Variants in CTNNA3 observed in about 807,000 individuals in gnomAD.
CTNNA3 encodes catenin alpha-3.
A neutral mutation model predicts 95.7 loss-of-function variants in CTNNA3; 76 were observed. The ratio of observed to expected loss-of-function variants is 0.79; its 90% CI spans 0.66 to 0.96. CTNNA3 has a LOEUF of 0.96. CTNNA3 is among the 40% of genes least tolerant of loss of function. The pLI is 0.00. For missense variants in CTNNA3, 1,191 were observed against 1,089.8 expected, an observed-to-expected ratio of 1.09 and a Z score of -1.31; for synonymous variants, 431 against 374.4, an observed-to-expected ratio of 1.15 and a Z score of -1.74.
intron 11 of CTNNA3, among the ~76,000 whole-genome samples, chr10:66,399,894 A>G (rs2456741): frequency 0.65 from 98,172 of 151,726 alleles, 33,379 homozygotes; most frequent in East Asian, 0.88. Context: ...ACAAACCTAA[A>G]TTTATGCCAC....
intron 13 of CTNNA3, among the ~76,000 whole-genome samples, chr10:66,271,342 A>T (rs1290314798): frequency 9.2e-5 from 14 of 152,168 alleles, no homozygotes; most frequent in Non-Finnish European, 1.5e-5. Context: ...ACTCTCCAAA[A>T]GTTGTTTTTG....
At position 67,052,313 on chromosome 10, in the gene CTNNA3, A is replaced by ACTCTCTCTCTCTCTCT. The variant is rs3841706; in HGVS notation, c.1047+127988_1047+128003dup. Among the ~76,000 whole-genome samples, 77 of 121,106 alleles carry ACTCTCTCTCTCTCTCT rather than the reference A, an allele frequency of 6.4e-4. 2 individuals are homozygous for ACTCTCTCTCTCTCTCT. The East Asian group carries it at 8.0e-3, about 13-fold the overall frequency. The allele number at this position is 121,106 out of a possible 152,430, so 79.5% of individuals were successfully genotyped here. A position where few individuals can be genotyped will look rare whatever the true frequency, so the allele number is the denominator to read the frequency against. On this transcript the variant is annotated intron_variant, in intron 7 of 17. Coordinates refer to ENST00000433211, the MANE Select transcript of CTNNA3 (RefSeq NM_013266.4). ...AGAAGAATCTTCACACCCACTCATCACTCTCTCTCTCTCTCTCTCTCTCTC... is the reference window on the plus strand; with the variant it reads ...AGAAGAATCTTCACACCCACTCATCACTCTCTCTCTCTCTCTCTCTCTCTCTCTCTCTCTCTCTCTC...
At chr10:66,903,397 T>C (rs1845840886) in intron 7 of CTNNA3, among the ~76,000 whole-genome samples, 1 of 152,210 alleles carries the variant, frequency 6.6e-6, no homozygotes, top group Non-Finnish European at 1.5e-5. Flanking sequence ...AGGAGCTATT[T>C]ATGACAAACC....
At chr10:66,110,278 T>C (rs556036782) in intron 13 of CTNNA3, among the ~76,000 whole-genome samples, 4 of 151,334 alleles carry the variant, frequency 2.6e-5, no homozygotes, top group South Asian at 2.1e-4. Flanking sequence ...AAGGGAATCA[T>C]TTGAACCTGG....
chr10:67,539,203 GTTAT>G (rs762527247), intron 4 of CTNNA3, among the ~76,000 whole-genome samples: 39 of 152,054 alleles, frequency 2.6e-4, no homozygotes, highest in African/African-American at 8.4e-4. Context: ...ATATAATTAT[GTTAT>G]TTATTTATTT....
chr10:67,500,284 A>C (rs1839187299), intron 5 of CTNNA3, among the ~76,000 whole-genome samples: 1 of 152,198 alleles, frequency 6.6e-6, no homozygotes, highest in South Asian at 2.1e-4. Context: ...ATTGCACTAT[A>C]GTCTGAGAGA....
At chr10:66,649,237 A>G (rs551662969) in intron 9 of CTNNA3, among the ~76,000 whole-genome samples, 1 of 152,278 alleles carries the variant, frequency 6.6e-6, no homozygotes, top group South Asian at 2.1e-4. Flanking sequence ...AAAAAGTAGA[A>G]ATAAGAATTA....
At chr10:65,928,123 A>G (rs924537662) in intron 17 of CTNNA3, among the ~76,000 whole-genome samples, 1 of 152,190 alleles carries the variant, frequency 6.6e-6, no homozygotes, top group Non-Finnish European at 1.5e-5. Context: ...TCTTCCAGAT[A>G]TTTGAAGTTA....
At chr10:66,038,554 G>C (rs1013730900) in intron 15 of CTNNA3, among the ~76,000 whole-genome samples, 4 of 152,182 alleles carry the variant, frequency 2.6e-5, no homozygotes, top group Admixed American at 6.5e-5. Context: ...TTTCAGTACT[G>C]TTACTTGAAA....
chr10:67,730,117 T>A (rs1841266260), intron 1 of CTNNA3, among the ~76,000 whole-genome samples: 1 of 152,136 alleles, frequency 6.6e-6, no homozygotes. Flanking sequence ...CCTTCTCTTG[T>A]GGAGGGACAA....
chr10:67,346,509 A>G (rs1285136753), intron 5 of CTNNA3, among the ~76,000 whole-genome samples: 1 of 152,138 alleles, frequency 6.6e-6, no homozygotes, highest in Non-Finnish European at 1.5e-5. Flanking sequence ...ATACTATTCT[A>G]GAGTAAAAGT....
At chr10:67,202,231 C>T (rs898846755) in intron 6 of CTNNA3, among the ~76,000 whole-genome samples, 10 of 151,010 alleles carry the variant, frequency 6.6e-5, no homozygotes, top group Admixed American at 6.6e-4. Context: ...ACTGTAAATA[C>T]AAAAGTATGA....
rs574992525 is a variant in CTNNA3, at chr10:66,054,615, C to T, written c.2159+14693G>A. ...TGTTCAAGCTGCTTATAAATTCTGGCTATTAATCTCTTGTCAGATGGGTCA... is the reference window on the plus strand; with the variant it reads ...TGTTCAAGCTGCTTATAAATTCTGGTTATTAATCTCTTGTCAGATGGGTCA... On this transcript the variant is annotated intron_variant, in intron 15 of 17. Coordinates refer to ENST00000433211, the MANE Select transcript of CTNNA3 (RefSeq NM_013266.4). Among the ~76,000 whole-genome samples the T allele has an allele frequency of 2.0e-4, 31 of 152,176 alleles. No individual in the cohort carries two copies. The South Asian group carries it at 4.2e-3, about 20-fold the overall frequency.
In CTNNA3 at chr10:67,340,094, G is replaced by A. The variant is rs185797052; in HGVS notation, c.580-120224C>T. On this transcript the variant is annotated intron_variant, in intron 5 of 17. Coordinates refer to ENST00000433211, the MANE Select transcript of CTNNA3 (RefSeq NM_013266.4). Reference sequence around the variant, plus strand: ...TGCTTATATTTTCAGTATCCAATTAGTCATTTCAAGTATGAGATATAGAAA... The same window carrying A: ...TGCTTATATTTTCAGTATCCAATTAATCATTTCAAGTATGAGATATAGAAA... Among the ~76,000 whole-genome samples the A allele has an allele frequency of 1.7e-3, 260 of 152,130 alleles. 1 individual carries two copies. Among genetic ancestry groups the A allele is most frequent in the African/African-American group, 6.0e-3 (251 of 41,488 alleles).
At chr10:66,286,554 T>A (rs2091592520) in intron 12 of CTNNA3, among the ~76,000 whole-genome samples, 1 of 152,098 alleles carries the variant, frequency 6.6e-6, no homozygotes, top group Non-Finnish European at 1.5e-5. Context: ...CTCCAAGGTC[T>A]GTAGTGTTAG....
intron 7 of CTNNA3, among the ~76,000 whole-genome samples, chr10:66,943,422 T>C (rs1377175705): frequency 6.6e-6 from 1 of 152,096 alleles, no homozygotes; most frequent in Non-Finnish European, 1.5e-5. Context: ...CATCTTTTTA[T>C]GGTATATCTT....
chr10:66,987,032 G>C (rs1481839121), intron 7 of CTNNA3, among the ~76,000 whole-genome samples: 1 of 152,084 alleles, frequency 6.6e-6, no homozygotes, highest in Non-Finnish European at 1.5e-5. Flanking sequence ...AAACCAAGCA[G>C]ATATACAAGA....
chr10:67,456,711 A>G (rs1847185854), intron 5 of CTNNA3, among the ~76,000 whole-genome samples: 1 of 152,174 alleles, frequency 6.6e-6, no homozygotes, highest in African/African-American at 2.4e-5. Flanking sequence ...CTTATAATCA[A>G]ATTGTGTTTT....
chr10:66,349,107 C>T (rs1173687827), intron 12 of CTNNA3, among the ~76,000 whole-genome samples: 2 of 151,974 alleles, frequency 1.3e-5, no homozygotes, highest in Admixed American at 1.3e-4. Context: ...TATTTCTTGT[C>T]CTGATGGAGT....
Sources: gnomAD v4.1 joint callset for allele counts (sites outside exome capture counted in the v4.1 genomes callset) on GRCh38, gnomAD v4.1.1 for gene constraint, MANE v1.5 for transcripts, NCBI Gene and HGNC (gene_info 2026-07-23, HGNC 2026-07-21) for gene names.